Variants in RBFOX1 observed in about 807,000 individuals in gnomAD.
RBFOX1 encodes RNA binding fox-1 homolog 1.
Under a neutral mutation model 57.7 loss-of-function variants are expected in RBFOX1, and 8 were observed. That is an observed-to-expected ratio of 0.14 (90% CI 0.08 to 0.25). The LOEUF (loss-of-function observed/expected upper bound fraction) is 0.25. Among genes scored for constraint, RBFOX1 ranks in the 10% least tolerant of loss-of-function variants. The pLI, the probability that RBFOX1 is intolerant of heterozygous loss-of-function variation, is 1.00. For synonymous variants in RBFOX1, 326 were observed against 222.4 expected (o/e 1.47, Z -4.15); for missense variants, 611 against 548.5 (o/e 1.11, Z -1.14).
rs560680498 is a variant in RBFOX1 at position 7,652,643 on chromosome 16, T to C, written c.758-1172T>C. Among the ~76,000 whole-genome samples the C allele has an allele frequency of 1.4e-4, 21 of 152,258 alleles. No individual in the cohort carries two copies. The East Asian group carries it at 3.1e-3, about 22-fold the overall frequency. On this transcript the variant is annotated intron_variant, in intron 11 of 15. Coordinates refer to ENST00000550418, the MANE Select transcript of RBFOX1 (RefSeq NM_018723.4). ...GGCTGGTCTCGAACTCCTGACCTCATGATCCACCTGCCTCAGCCTCCCAAA... is the reference window on the plus strand; with the variant it reads ...GGCTGGTCTCGAACTCCTGACCTCACGATCCACCTGCCTCAGCCTCCCAAA...
chr16:6,652,908 T>C lies in RBFOX1; in HGVS notation c.-63-1695T>C, dbSNP rs576267866. 3.9e-5 allele frequency among the ~76,000 whole-genome samples: 6 copies of C among 152,350 alleles called. No individual in the cohort carries two copies. The East Asian group carries it at 9.6e-4, about 24-fold the overall frequency. On this transcript the variant is annotated intron_variant, in intron 2 of 15. Transcript: ENST00000550418. ...ACCATGGTAAAATTGTTAATGATAT[T>C]GTATTTTATCACAATAAGGTAATAA...
At chr16:6,828,271 A>G (rs1225805642) in intron 3 of RBFOX1, among the ~76,000 whole-genome samples, 1 of 152,140 alleles carries the variant, frequency 6.6e-6, no homozygotes, top group Non-Finnish European at 1.5e-5. Flanking sequence ...CACAGCTGTA[A>G]TCCCAGCACT....
At chr16:6,502,240 G>C (rs1224357349) in intron 2 of RBFOX1, among the ~76,000 whole-genome samples, 1 of 152,142 alleles carries the variant, frequency 6.6e-6, no homozygotes, top group Non-Finnish European at 1.5e-5. Flanking sequence ...TAGGGATCTA[G>C]ATCGGCTACA....
At chr16:6,526,780 A>C (rs1396544713) in intron 2 of RBFOX1, among the ~76,000 whole-genome samples, 5 of 134,810 alleles carry the variant, frequency 3.7e-5, no homozygotes, top group African/African-American at 1.3e-4. Context: ...CAGCGAGCCG[A>C]GATTGCACTA....
intron 4 of RBFOX1, among the ~76,000 whole-genome samples, chr16:7,280,186 A>C (rs1395737716): frequency 6.6e-6 from 1 of 152,172 alleles, no homozygotes; most frequent in African/African-American, 2.4e-5. Flanking sequence ...GTACACCTTG[A>C]CTAAATTCAG....
At position 6,344,407 on chromosome 16, in the gene RBFOX1, CT is replaced by C. The variant is rs60637926; in HGVS notation, c.-64+27362del. Among the ~76,000 whole-genome samples, 610 of 109,782 alleles carry C rather than the reference CT, an allele frequency of 5.6e-3. 15 individuals are homozygous for C. Among genetic ancestry groups the C allele is most frequent in the Admixed American group, 9.3e-3 (92 of 9,890 alleles). 72.0% of individuals were successfully genotyped at this position (109,782 alleles called of 152,430 possible). ...TCTCTTCTTCTTTTTTCTTTTTTTT[CT>C]TTTTTTTTTTTGAGACAGAGTCTCT... On this transcript the variant is annotated intron_variant, in intron 2 of 15. Coordinates refer to ENST00000550418, the MANE Select transcript of RBFOX1 (RefSeq NM_018723.4).
rs549688523 is a variant in RBFOX1, at chr16:5,750,616, C to G, written c.319-116687C>G. 2.6e-5 allele frequency among the ~76,000 whole-genome samples: 4 copies of G among 152,290 alleles called. No individual in the cohort carries two copies. In the East Asian group the frequency reaches 7.7e-4, roughly 29 times the overall value. On this transcript the variant is annotated intron_variant, in intron 3 of 19. Transcript: ENST00000641259. ...TGCCGTCTTGCAGTTCGATCTCAGACGGCTGTGCTAGCAATGAGTGAGGCT... is the reference window on the plus strand; with the variant it reads ...TGCCGTCTTGCAGTTCGATCTCAGAGGGCTGTGCTAGCAATGAGTGAGGCT...
intron 4 of RBFOX1, among the ~76,000 whole-genome samples, chr16:7,510,771 C>G (rs1207699374): frequency 2.0e-5 from 3 of 152,170 alleles, no homozygotes; most frequent in Non-Finnish European, 4.4e-5. Flanking sequence ...AAACTGCAAG[C>G]AACCATCAAG....
intron 3 of RBFOX1, among the ~76,000 whole-genome samples, chr16:6,786,955 T>A (rs2082070153): frequency 6.6e-6 from 1 of 152,120 alleles, no homozygotes; most frequent in African/African-American, 2.4e-5. Context: ...TCTGAAAGTG[T>A]CATGACCATG....
intron 4 of RBFOX1, among the ~76,000 whole-genome samples, chr16:7,228,320 T>C (rs1430923712): frequency 6.6e-6 from 1 of 152,164 alleles, no homozygotes; most frequent in Admixed American, 6.5e-5. Context: ...ATTCACATAT[T>C]AGGAGGAAAA....
At chr16:7,144,646 C>G (rs1441585314) in intron 4 of RBFOX1, among the ~76,000 whole-genome samples, 1 of 152,048 alleles carries the variant, frequency 6.6e-6, no homozygotes, top group Admixed American at 6.6e-5. Context: ...AGAGAGCCCT[C>G]CCTTCCTGCC....
intron 4 of RBFOX1, among the ~76,000 whole-genome samples, chr16:5,884,533 T>G (rs1306747503): frequency 6.7e-6 from 1 of 149,574 alleles, no homozygotes; most frequent in Non-Finnish European, 1.5e-5. Flanking sequence ...TTGTAGTTGA[T>G]AAGACCATGT....
intron 1 of RBFOX1, among the ~76,000 whole-genome samples, chr16:5,329,977 T>C (rs9940414): frequency 0.89 from 132,335 of 148,794 alleles, 60,801 homozygotes; most frequent in East Asian, 1. Context: ...AGCGAGACTC[T>C]GTCTCAAAAA....
chr16:6,911,149 C>A (rs951659980), intron 3 of RBFOX1, among the ~76,000 whole-genome samples: 1 of 149,936 alleles, frequency 6.7e-6, no homozygotes, highest in Non-Finnish European at 1.5e-5. Context: ...TGGAGTGAGC[C>A]GATAATCGCA....
chr16:7,147,204 C>T (rs12921109), intron 4 of RBFOX1, among the ~76,000 whole-genome samples: 53,909 of 149,288 alleles, frequency 0.36, 10,212 homozygotes, highest in African/African-American at 0.49. Flanking sequence ...AGGGTTTCAC[C>T]ATGTTGGCCA....
chr16:5,254,231 C>A (rs1392881353), intron 1 of RBFOX1, among the ~76,000 whole-genome samples: 2 of 152,178 alleles, frequency 1.3e-5, no homozygotes, highest in Non-Finnish European at 1.5e-5. Flanking sequence ...TTGAAGCCAC[C>A]TGGCTGGTCG....
intron 2 of RBFOX1, among the ~76,000 whole-genome samples, chr16:6,354,300 C>T (rs893931724): frequency 6.6e-6 from 1 of 152,084 alleles, no homozygotes; most frequent in Admixed American, 6.6e-5. Flanking sequence ...TTTCAGAGAG[C>T]TTTTGGCTTC....
intron 1 of RBFOX1, among the ~76,000 whole-genome samples, chr16:6,276,699 A>G (rs2075837857): frequency 1.3e-5 from 2 of 152,130 alleles, no homozygotes; most frequent in South Asian, 4.2e-4. Flanking sequence ...CTGGTTATGC[A>G]GATACTGGTC....
chr16:7,016,392 A>G (rs2093914107), intron 3 of RBFOX1, among the ~76,000 whole-genome samples: 2 of 152,168 alleles, frequency 1.3e-5, no homozygotes, highest in Non-Finnish European at 2.9e-5. Context: ...TCGGATACTG[A>G]AAACAAGGCA....
Sources: gnomAD v4.1 joint callset for allele counts (sites outside exome capture counted in the v4.1 genomes callset) on GRCh38, gnomAD v4.1.1 for gene constraint, MANE v1.5 for transcripts, NCBI Gene and HGNC (gene_info 2026-07-23, HGNC 2026-07-21) for gene names.